The following LYST variants were observed in gnomAD, a reference collection of about 807,000 sequenced individuals.
LYST encodes lysosomal trafficking regulator.
In LYST, 192 loss-of-function variants were observed where a neutral mutation model predicts 413.6. The ratio of observed to expected loss-of-function variants is 0.46; its 90% CI spans 0.41 to 0.52. LYST has a LOEUF of 0.52. Ranked by LOEUF, LYST falls within the 20% of genes least tolerant of loss-of-function variation. The pLI, the probability that LYST is intolerant of heterozygous loss-of-function variation, is 0.00. For synonymous variants in LYST, 1,525 were observed against 1,567.3 expected, an observed-to-expected ratio of 0.97 and a Z score of 0.64; for missense variants, 3,815 against 4,499.9, an observed-to-expected ratio of 0.85 and a Z score of 4.35.
chr1:235,816,515 G>A (rs572597207), intron 3 of LYST, among the ~76,000 whole-genome samples: 22 of 147,620 alleles, frequency 1.5e-4, no homozygotes, highest in African/African-American at 5.4e-4. Flanking sequence ...CAGATTCAAT[G>A]CTATTCCAAA....
chr1:235,830,073 G>A lies in LYST; in HGVS notation c.192+153C>T. The A allele has an allele frequency of 8.0e-6, 5 of 628,150 alleles. No homozygotes were observed. In the South Asian group the frequency reaches 9.6e-5, roughly 12 times the overall value. 38.9% of individuals were successfully genotyped at this position (628,150 alleles called of 1,614,324 possible). A position where few individuals can be genotyped will look rare whatever the true frequency, so the allele number is the denominator to read the frequency against. ...TGAAAGTATTCAAATAAACAATATG[G>A]TTATAAATAGGTCCACTTTTTTTTT... On this transcript the variant is annotated intron_variant, in intron 3 of 52. Transcript: ENST00000389793.
At chr1:235,828,230 G>A in intron 3 of LYST, 1 of 839,692 alleles carries the variant, frequency 1.2e-6, no homozygotes, top group Non-Finnish European at 1.4e-6. Flanking sequence ...AAAATCTGGA[G>A]AGATAGAAAG....
intron 43 of LYST, 61 bp from the exon 44 acceptor site, chr1:235,709,369 G>T: frequency 7.6e-7 from 1 of 1,321,744 alleles, no homozygotes; most frequent in South Asian, 1.3e-5. Context: ...TTCAGCTACA[G>T]AGCAGGTCTT....
chr1:235,782,937 T>C (rs531197394), intron 14 of LYST, among the ~76,000 whole-genome samples: 27 of 152,344 alleles, frequency 1.8e-4, no homozygotes, highest in African/African-American at 6.3e-4. Flanking sequence ...TTAGTCTCTT[T>C]TGCTTCATGG....
At chr1:235,715,917 C>G (rs371472084) in intron 41 of LYST, among the ~76,000 whole-genome samples, 7 of 151,476 alleles carry the variant, frequency 4.6e-5, no homozygotes, top group Non-Finnish European at 8.8e-5. Context: ...ATCTTCCCAT[C>G]ATAAAGTAGG....
intron 50 of LYST, among the ~76,000 whole-genome samples, chr1:235,675,256 A>G: frequency 6.6e-6 from 1 of 152,118 alleles, no homozygotes; most frequent in South Asian, 2.1e-4. Flanking sequence ...TTGTTCTATA[A>G]ACTACCCTTC....
intron 1 of LYST, chr1:235,852,928 A>C (rs1373552791): frequency 5.9e-6 from 1 of 170,042 alleles, no homozygotes; most frequent in African/African-American, 2.4e-5. Context: ...TTGACAGACT[A>C]CTCACAACCA....
chr1:235,759,342 C>A lies in LYST; in HGVS notation c.6511G>T (p.Ala2171Ser), dbSNP rs1667350608. 1 of 1,614,150 alleles carries A rather than the reference C, an allele frequency of 6.2e-7. No individual in the cohort carries two copies. The highest frequency in any genetic ancestry group is 2.2e-5 in the East Asian group (1 of 44,884). ...EDAFISSCES[A>S]KTVCEMEAVL... ...GCTTCCATTTCACAAACAGTTTTTG[C>A]AGACTCACAGCTACTGATGAATGCG... Residue 2171 changes from alanine (A) to serine (S), a missense_variant, in exon 23 of 53, where the codon GCA becomes TCA. Coordinates refer to ENST00000389793, the MANE Select transcript of LYST (RefSeq NM_000081.4).
Position 235,800,303 on chromosome 1 carries a change from A to G in LYST, c.4006+17T>C, listed in dbSNP as rs548921744. On this transcript the variant is annotated intron_variant, in intron 10 of 52. Coordinates refer to ENST00000389793, the MANE Select transcript of LYST (RefSeq NM_000081.4). ...AAAATAATTTCAGAGCTATTGTTTA[A>G]AACAGTTTCAACTTACCTTGAAAAT... 1.0e-4 allele frequency: 155 copies of G among 1,487,666 alleles called. 1 individual carries two copies. In the South Asian group the frequency reaches 1.6e-3, roughly 16 times the overall value. 92.2% of individuals were successfully genotyped at this position (1,487,666 alleles called of 1,614,324 possible).
Position 235,804,881 on chromosome 1 carries a change from T to G in LYST, c.3394-216A>C, listed in dbSNP as rs558395431. Among the ~76,000 whole-genome samples the G allele has an allele frequency of 5.6e-4, 86 of 152,302 alleles. 1 individual carries two copies. Among genetic ancestry groups the G allele is most frequent in the African/African-American group, 2.0e-3 (83 of 41,570 alleles). On this transcript the variant is annotated intron_variant, in intron 6 of 52. Coordinates refer to ENST00000389793, the MANE Select transcript of LYST (RefSeq NM_000081.4). ...TGATAAAATACTTAGTTCATCTTAT[T>G]TGGTTTTCATTGCAGCATGGTAAAG...
At chr1:235,700,155 C>T (rs1221481054) in intron 45 of LYST, among the ~76,000 whole-genome samples, 2 of 152,152 alleles carry the variant, frequency 1.3e-5, no homozygotes, top group Non-Finnish European at 2.9e-5. Flanking sequence ...CTAGGCAATA[C>T]CATTCAGGAC....
At chr1:235,700,262 G>A (rs1033761704) in intron 45 of LYST, among the ~76,000 whole-genome samples, 8 of 152,140 alleles carry the variant, frequency 5.3e-5, no homozygotes, top group African/African-American at 1.2e-4. Flanking sequence ...GCTTCTGCAC[G>A]TCAAAAGAGA....
At chr1:235,747,188 C>A (rs553594078) in intron 28 of LYST, 2 of 446,376 alleles carry the variant, frequency 4.5e-6, no homozygotes, top group Admixed American at 4.8e-5. Flanking sequence ...GGAGGTACAA[C>A]ACAGGTAGTG....
At chr1:235,715,476 G>A in intron 41 of LYST, 119 bp from the exon 42 acceptor site, 1 of 930,882 alleles carries the variant, frequency 1.1e-6, no homozygotes. Context: ...ATTCTCCATG[G>A]CTGGCCCTCC....
At chr1:235,849,841 G>T (rs1362096694) in intron 1 of LYST, among the ~76,000 whole-genome samples, 4 of 145,616 alleles carry the variant, frequency 2.7e-5, no homozygotes, top group Admixed American at 2.7e-4. Flanking sequence ...ATCTCTACAA[G>T]GAAAACTACA....
intron 47 of LYST, among the ~76,000 whole-genome samples, chr1:235,687,946 T>G (rs1660346829): frequency 6.6e-6 from 1 of 152,254 alleles, no homozygotes; most frequent in African/African-American, 2.4e-5. Context: ...TACAAGTGTG[T>G]TCACGTCTCT....
chr1:235,751,059 AG>A (rs1666445162), intron 28 of LYST, 150 bp downstream of exon 28: 1 of 735,376 alleles, frequency 1.4e-6, no homozygotes, highest in African/African-American at 1.8e-5. Flanking sequence ...AAGCACTAAA[AG>A]TAAGGAGCAG....
chr1:235,720,173 CAAAAAAAAAAAAA>C (rs71576484), intron 40 of LYST, among the ~76,000 whole-genome samples: 6 of 9,476 alleles, frequency 6.3e-4, no homozygotes, highest in Non-Finnish European at 1.2e-3. Flanking sequence ...GACTCTGTCT[CAAAAAAAAAAAAA>C]AAAAAAAAAA....
At chr1:235,848,888 TA>T (rs1339039864) in intron 1 of LYST, among the ~76,000 whole-genome samples, 3 of 150,326 alleles carry the variant, frequency 2.0e-5, no homozygotes, top group Non-Finnish European at 4.5e-5. Flanking sequence ...TAATTACCAC[TA>T]AAAAAAAAGT....
Sources: gnomAD v4.1 joint callset for allele counts (sites outside exome capture counted in the v4.1 genomes callset) on GRCh38, gnomAD v4.1.1 for gene constraint, MANE v1.5 for transcripts, NCBI Gene and HGNC (gene_info 2026-07-23, HGNC 2026-07-21) for gene names.